The following DNAH11 variants were observed in gnomAD, a reference collection of about 807,000 sequenced individuals.
DNAH11 encodes axonemal beta dynein heavy chain 11.
In DNAH11, 442 loss-of-function variants were observed where a neutral mutation model predicts 526.0. The ratio of observed to expected loss-of-function variants is 0.84; its 90% confidence interval spans 0.78 to 0.91. The LOEUF is 0.91. Among genes scored for constraint, DNAH11 ranks in the 40% least tolerant of loss-of-function variants. The pLI, the probability that DNAH11 is intolerant of heterozygous loss-of-function variation, is 0.00. For synonymous variants in DNAH11, 2,461 were observed against 1,935.9 expected, an observed-to-expected ratio of 1.27 and a Z score of -7.12; for missense variants, 6,989 against 5,448.7, an observed-to-expected ratio of 1.28 and a Z score of -8.90.
chr7:21,557,573 A>G (rs1783270463), intron 2 of DNAH11, among the ~76,000 whole-genome samples: 1 of 152,230 alleles, frequency 6.6e-6, no homozygotes, highest in South Asian at 2.1e-4. Context: ...CTCAGCCGTC[A>G]TGACAAATAC....
chr7:21,672,693 G>C (rs2919230), intron 30 of DNAH11, among the ~76,000 whole-genome samples: 55 of 152,282 alleles, frequency 3.6e-4, no homozygotes, highest in Admixed American at 9.8e-4. Flanking sequence ...TGGTAAAACT[G>C]CAATGCTTCT....
chr7:21,582,150 GC>G, intron 9 of DNAH11, 129 bp downstream of exon 9: 1 of 602,350 alleles, frequency 1.7e-6, no homozygotes. Context: ...TTCAAATTCA[GC>G]TCACTGAATA....
chr7:21,680,412 G>A (rs1333433500), intron 30 of DNAH11, among the ~76,000 whole-genome samples: 2 of 152,176 alleles, frequency 1.3e-5, no homozygotes, highest in African/African-American at 2.4e-5. Flanking sequence ...TAAGGCTTGA[G>A]TAAGGCAGAA....
intron 55 of DNAH11, among the ~76,000 whole-genome samples, chr7:21,766,609 C>T (rs1181448270): frequency 1.3e-5 from 2 of 151,898 alleles, no homozygotes; most frequent in Non-Finnish European, 2.9e-5. Context: ...TATATTGTAT[C>T]ATTCAGCGGC....
At position 21,745,024 on chromosome 7, in the gene DNAH11, C is replaced by T. The variant is rs760792423; in HGVS notation, c.8471C>T (p.Ala2824Val). 6.2e-7 allele frequency: 1 copy of T among 1,609,740 alleles called. No individual in the cohort carries two copies. Among genetic ancestry groups the T allele is most frequent in the South Asian group, 1.1e-5 (1 of 89,932 alleles). ...GACAACTACAATGAACTAAATGCTG[C>T]CATGCACCTAGTTTTGTTTGAAGAT... is the stretch of plus-strand genomic sequence containing the variant. ...TLDNYNELNAAMHLVLFEDAM... is the reference protein window; with the variant it reads ...TLDNYNELNAVMHLVLFEDAM... Residue 2824 changes from alanine (A) to valine (V), a missense_variant, in exon 51 of 82, where the codon GCC becomes GTC. Transcript: ENST00000409508.
At chr7:21,661,186 T>C in intron 30 of DNAH11, among the ~76,000 whole-genome samples, 1 of 152,282 alleles carries the variant, frequency 6.6e-6, no homozygotes, top group Non-Finnish European at 1.5e-5. Flanking sequence ...TTTTTAAAAT[T>C]ATCCATTAAT....
intron 62 of DNAH11, among the ~76,000 whole-genome samples, chr7:21,805,171 C>T (rs568804512): frequency 2.6e-5 from 4 of 152,334 alleles, no homozygotes; most frequent in South Asian, 2.1e-4. Flanking sequence ...CTCGTTCACA[C>T]GCACACATAC....
At chr7:21,865,950 T>A (rs1783256824) in intron 70 of DNAH11, among the ~76,000 whole-genome samples, 1 of 152,196 alleles carries the variant, frequency 6.6e-6, no homozygotes, top group Non-Finnish European at 1.5e-5. Flanking sequence ...ACTGGTGCAG[T>A]GTAGCAGTGA....
At chr7:21,614,233 G>A (rs1000172190) in intron 20 of DNAH11, among the ~76,000 whole-genome samples, 3 of 152,194 alleles carry the variant, frequency 2.0e-5, no homozygotes, top group Non-Finnish European at 2.9e-5. Context: ...ATCTTGGGAG[G>A]AGGATGGGAG....
chr7:21,781,048 C>T (rs1298777130), intron 57 of DNAH11, among the ~76,000 whole-genome samples: 1 of 152,256 alleles, frequency 6.6e-6, no homozygotes, highest in East Asian at 1.9e-4. Flanking sequence ...AACTAGAAAG[C>T]ATCTAGAAAT....
chr7:21,798,881 AATT>A (rs1250668997), intron 61 of DNAH11, among the ~76,000 whole-genome samples: 16 of 152,256 alleles, frequency 1.1e-4, no homozygotes, highest in South Asian at 8.3e-4. Context: ...ATTTTAATAA[AATT>A]ATGCTAATAC....
intron 25 of DNAH11, among the ~76,000 whole-genome samples, chr7:21,632,153 C>T (rs568600296): frequency 6.6e-6 from 1 of 152,176 alleles, no homozygotes; most frequent in Non-Finnish European, 1.5e-5. Context: ...TCAGCCATGG[C>T]TGGAGTGGCT....
At chr7:21,873,252 T>G (rs1309366416) in intron 73 of DNAH11, 22 bp from the exon 74 acceptor site, 2 of 1,540,876 alleles carry the variant, frequency 1.3e-6, no homozygotes, top group Non-Finnish European at 1.8e-6. Flanking sequence ...TCACAGGAAT[T>G]ATGCACCATG....
At chr7:21,787,142 CCTTT>C (rs1788227285) in intron 59 of DNAH11, among the ~76,000 whole-genome samples, 1 of 152,124 alleles carries the variant, frequency 6.6e-6, no homozygotes, top group African/African-American at 2.4e-5. Context: ...TTATTTTCTG[CCTTT>C]CTTTTCTTCA....
At chr7:21,615,342 ATAT>A (rs1345726643) in intron 21 of DNAH11, 70 bp downstream of exon 21, 4 of 1,535,270 alleles carry the variant, frequency 2.6e-6, no homozygotes, top group East Asian at 4.6e-5. Flanking sequence ...TGTGGAGCCT[ATAT>A]TATTCTATTT....
chr7:21,785,978 G>A (rs1788159125), intron 58 of DNAH11, among the ~76,000 whole-genome samples: 2 of 152,158 alleles, frequency 1.3e-5, no homozygotes, highest in South Asian at 4.1e-4. Flanking sequence ...GCCTACATGA[G>A]CTTCTTATAT....
chr7:21,741,864 G>T, intron 48 of DNAH11, 63 bp from the exon 49 acceptor site: 1 of 1,568,796 alleles, frequency 6.4e-7, no homozygotes, highest in Non-Finnish European at 8.7e-7. Flanking sequence ...AAAAAAATCA[G>T]GTCTTTGCAA....
At chr7:21,646,046 CAA>C (rs1787343038) in intron 28 of DNAH11, among the ~76,000 whole-genome samples, 1 of 151,782 alleles carries the variant, frequency 6.6e-6, no homozygotes, top group Admixed American at 6.6e-5. Flanking sequence ...GCAATGCAAA[CAA>C]AAGACTCATA....
rs1784827505 is a variant in DNAH11 at position 21,901,324 on chromosome 7, TC to T, written c.*73del. On this transcript the variant is annotated 3_prime_UTR_variant, in exon 82 of 82. Transcript: ENST00000409508. ...ATTTTCTAGCATGTTGCTGCACTGTTCCCATGCACATTATTCTAACTTTTTA... is the reference window on the plus strand; with the variant it reads ...ATTTTCTAGCATGTTGCTGCACTGTTCCATGCACATTATTCTAACTTTTTA... 1.4e-6 allele frequency: 2 copies of T among 1,438,258 alleles called. No individual in the cohort carries two copies. The highest frequency in any genetic ancestry group is 1.7e-5 in the South Asian group (1 of 57,700). The allele number at this position is 1,438,258 out of a possible 1,614,324, so 89.1% of individuals were successfully genotyped here.
Sources: gnomAD v4.1 joint callset for allele counts (sites outside exome capture counted in the v4.1 genomes callset) on GRCh38, gnomAD v4.1.1 for gene constraint, MANE v1.5 for transcripts, NCBI Gene and HGNC (gene_info 2026-07-23, HGNC 2026-07-21) for gene names.